The following ARHGAP24 variants were observed in gnomAD, a reference collection of about 807,000 sequenced individuals.
The protein encoded by ARHGAP24 is rho GTPase-activating protein 24.
Under a neutral mutation model 76.4 loss-of-function variants are expected in ARHGAP24, and 50 were observed. The ratio of observed to expected loss-of-function variants is 0.65; its 90% CI spans 0.52 to 0.83. ARHGAP24 has a LOEUF of 0.83. Ranked by LOEUF, ARHGAP24 falls within the 40% of genes least tolerant of loss-of-function variation. The pLI is 0.00. For missense variants in ARHGAP24, 930 were observed against 914.2 expected (o/e 1.02, Z -0.22); for synonymous variants, 345 against 323.3 (o/e 1.07, Z -0.72).
At chr4:85,676,743 C>T (rs530572281) in intron 2 of ARHGAP24, among the ~76,000 whole-genome samples, 2 of 152,250 alleles carry the variant, frequency 1.3e-5, no homozygotes, top group East Asian at 3.9e-4. Flanking sequence ...CCAAGCAGTA[C>T]CCATTCATCT....
chr4:85,738,582 CTT>C (rs1725695757), intron 3 of ARHGAP24, among the ~76,000 whole-genome samples: 1 of 151,962 alleles, frequency 6.6e-6, no homozygotes, highest in Non-Finnish European at 1.5e-5. Flanking sequence ...CAATTTATCT[CTT>C]TTGTCTTTGA....
chr4:85,807,605 G>C (rs1273715243), intron 3 of ARHGAP24, among the ~76,000 whole-genome samples: 1 of 152,104 alleles, frequency 6.6e-6, no homozygotes, highest in Non-Finnish European at 1.5e-5. Flanking sequence ...AGGATTCTCA[G>C]GTCTTCAACT....
chr4:85,662,293 T>C (rs1016594167), intron 2 of ARHGAP24, among the ~76,000 whole-genome samples: 2 of 152,058 alleles, frequency 1.3e-5, no homozygotes, highest in Admixed American at 6.5e-5. Flanking sequence ...TTTCATGTGT[T>C]TTTTGGCTGC....
chr4:85,989,753 T>C (rs1184723399), intron 8 of ARHGAP24, among the ~76,000 whole-genome samples: 1 of 151,682 alleles, frequency 6.6e-6, no homozygotes, highest in Non-Finnish European at 1.5e-5. Context: ...ATTCACTGTA[T>C]TAATACACCA....
chr4:85,581,284 C>T (rs1433904066), intron 2 of ARHGAP24, among the ~76,000 whole-genome samples: 4 of 151,998 alleles, frequency 2.6e-5, no homozygotes, highest in Admixed American at 2.6e-4. Context: ...GTTCATGTCA[C>T]GTAGTTAGAA....
chr4:85,862,443 C>T (rs558547756), intron 3 of ARHGAP24, among the ~76,000 whole-genome samples: 2 of 152,108 alleles, frequency 1.3e-5, no homozygotes, highest in South Asian at 2.1e-4. Context: ...GGCTAAGACT[C>T]GGTTATTGTT....
chr4:85,775,566 G>T (rs1005874359), intron 3 of ARHGAP24, among the ~76,000 whole-genome samples: 1 of 152,082 alleles, frequency 6.6e-6, no homozygotes, highest in Non-Finnish European at 1.5e-5. Context: ...AGAACAGTAT[G>T]GGGGAAACTG....
At chr4:85,931,685 T>C (rs1389891356) in intron 4 of ARHGAP24, among the ~76,000 whole-genome samples, 2 of 152,112 alleles carry the variant, frequency 1.3e-5, no homozygotes, top group Admixed American at 1.3e-4. Context: ...TAAAAGAAAC[T>C]AAGACATTTC....
intron 2 of ARHGAP24, among the ~76,000 whole-genome samples, chr4:85,656,959 AAT>A (rs1722199565): frequency 8.0e-6 from 1 of 124,472 alleles, no homozygotes; most frequent in African/African-American, 3.4e-5. Flanking sequence ...CTTTAAAAAA[AAT>A]GTTTACAGCA....
rs1039526632 is a variant in ARHGAP24, at chr4:85,823,799, G to GTTCC, written c.269-99835_269-99832dup. Among the ~76,000 whole-genome samples the GTTCC allele has an allele frequency of 4.6e-5, 7 of 151,626 alleles. 1 individual carries two copies. Among genetic ancestry groups the GTTCC allele is most frequent in the African/African-American group, 1.7e-4 (7 of 41,304 alleles). On this transcript the variant is annotated intron_variant, in intron 3 of 9. Coordinates refer to ENST00000395184, the MANE Select transcript of ARHGAP24 (RefSeq NM_001025616.3). ...GAGTTCACAAAGGGATAATCTTCAG[G>GTTCC]TTCCTTCCTTCCTTCCTGCCTTTCT...
chr4:85,974,463 T>G (rs1739209961), intron 6 of ARHGAP24, among the ~76,000 whole-genome samples: 1 of 152,284 alleles, frequency 6.6e-6, no homozygotes, highest in South Asian at 2.1e-4. Flanking sequence ...CCTCCCCAAA[T>G]GATGTATCCT....
At chr4:85,557,668 CTT>C (rs35232264) in intron 1 of ARHGAP24, among the ~76,000 whole-genome samples, 128,753 of 151,866 alleles carry the variant, frequency 0.85, 56,101 homozygotes, top group East Asian at 0.98. Flanking sequence ...ACCCACCACT[CTT>C]TATTCTCTCC....
intron 2 of ARHGAP24, among the ~76,000 whole-genome samples, chr4:85,633,016 A>G (rs1345375973): frequency 6.6e-6 from 1 of 151,898 alleles, no homozygotes; most frequent in African/African-American, 2.4e-5. Flanking sequence ...GGGAAACATA[A>G]TAACATTGTT....
chr4:85,790,381 A>G (rs1394527742), intron 3 of ARHGAP24, among the ~76,000 whole-genome samples: 1 of 152,216 alleles, frequency 6.6e-6, no homozygotes, highest in Non-Finnish European at 1.5e-5. Context: ...TCCAATTTAT[A>G]ATTCAAGATA....
At chr4:85,488,175 G>A (rs1723217393) in intron 1 of ARHGAP24, among the ~76,000 whole-genome samples, 1 of 151,730 alleles carries the variant, frequency 6.6e-6, no homozygotes, top group Non-Finnish European at 1.5e-5. Context: ...CTAGCAAGCC[G>A]AAGCCACCTT....
intron 3 of ARHGAP24, among the ~76,000 whole-genome samples, chr4:85,868,477 G>A (rs1033772624): frequency 6.6e-6 from 1 of 152,118 alleles, no homozygotes; most frequent in Admixed American, 6.6e-5. Flanking sequence ...TTGCAGGGCC[G>A]TTTCTCCCAA....
chr4:85,564,950 A>G (rs545266242), intron 1 of ARHGAP24, among the ~76,000 whole-genome samples: 8 of 107,800 alleles, frequency 7.4e-5, no homozygotes, highest in Admixed American at 6.5e-4. Flanking sequence ...ATATATATAT[A>G]TATATATATA....
At chr4:85,656,181 T>C (rs1722162330) in intron 2 of ARHGAP24, among the ~76,000 whole-genome samples, 1 of 152,172 alleles carries the variant, frequency 6.6e-6, no homozygotes, top group Non-Finnish European at 1.5e-5. Context: ...CTATTTAATT[T>C]TCTTTAGAGA....
chr4:85,898,096 G>A (rs985099092), intron 3 of ARHGAP24, among the ~76,000 whole-genome samples: 8 of 148,992 alleles, frequency 5.4e-5, no homozygotes, highest in African/African-American at 1.7e-4. Context: ...TTTGTGGGGA[G>A]GGGAGACTTT....
Sources: gnomAD v4.1 joint callset for allele counts (sites outside exome capture counted in the v4.1 genomes callset) on GRCh38, gnomAD v4.1.1 for gene constraint, MANE v1.5 for transcripts, NCBI Gene and HGNC (gene_info 2026-07-23, HGNC 2026-07-21) for gene names.